The following NSUN7 variants were observed in gnomAD, a reference collection of about 807,000 sequenced individuals.
NSUN7 encodes NOP2/Sun RNA methyltransferase family member 7.
NSUN7 carries 39 observed loss-of-function variants against 58.5 expected under a neutral mutation model. The ratio of observed to expected loss-of-function variants is 0.67; its 90% CI spans 0.52 to 0.87. The LOEUF (loss-of-function observed/expected upper bound fraction) is 0.87. Ranked by LOEUF, NSUN7 falls within the 40% of genes least tolerant of loss-of-function variation. The probability of loss-of-function intolerance (pLI) is 0.00; values close to 1 mark genes in which losing one functional copy is unlikely to be tolerated. For missense variants in NSUN7, 765 were observed against 844.1 expected (o/e 0.91, Z 1.16); for synonymous variants, 278 against 303.7 (o/e 0.92, Z 0.88).
At chr4:40,802,148 T>C (rs1157964194) in intron 10 of NSUN7, among the ~76,000 whole-genome samples, 7 of 152,144 alleles carry the variant, frequency 4.6e-5, no homozygotes, top group African/African-American at 1.7e-4. Context: ...GGTTTATTTT[T>C]TCCCCAAATA....
At chr4:40,769,903 T>C (rs1227802740) in intron 4 of NSUN7, among the ~76,000 whole-genome samples, 1 of 152,210 alleles carries the variant, frequency 6.6e-6, no homozygotes, top group East Asian at 1.9e-4. Flanking sequence ...AAGATTATCT[T>C]TTGGCATTAA....
intron 2 of NSUN7, among the ~76,000 whole-genome samples, chr4:40,751,284 C>G (rs1434841142): frequency 1.3e-5 from 2 of 152,048 alleles, no homozygotes; most frequent in African/African-American, 4.8e-5. Flanking sequence ...TTCCCTCTCC[C>G]TGTATTTTTT....
intron 9 of NSUN7, among the ~76,000 whole-genome samples, chr4:40,796,179 C>T (rs1314698489): frequency 6.6e-6 from 1 of 152,118 alleles, no homozygotes; most frequent in East Asian, 1.9e-4. Context: ...CATGGTGAAA[C>T]CCCATCTCTA....
At chr4:40,781,741 C>T (rs1006327524) in intron 7 of NSUN7, among the ~76,000 whole-genome samples, 15 of 152,120 alleles carry the variant, frequency 9.9e-5, no homozygotes, top group Non-Finnish European at 1.8e-4. Context: ...CCACTGTGCC[C>T]GGTCAGTCTT....
chr4:40,797,367 C>T (rs1743366232), intron 9 of NSUN7, among the ~76,000 whole-genome samples: 1 of 152,078 alleles, frequency 6.6e-6, no homozygotes, highest in Admixed American at 6.5e-5. Context: ...CTTATATTTC[C>T]AGCTGCCTTC....
chr4:40,780,889 G>C (rs530420650), intron 7 of NSUN7, among the ~76,000 whole-genome samples: 1 of 132,434 alleles, frequency 7.6e-6, no homozygotes, highest in Non-Finnish European at 1.5e-5. Context: ...GCATGATCTC[G>C]ACTCACTGCA....
At chr4:40,753,211 A>T (rs900476004) in intron 2 of NSUN7, among the ~76,000 whole-genome samples, 5 of 151,936 alleles carry the variant, frequency 3.3e-5, no homozygotes, top group African/African-American at 4.8e-5. Flanking sequence ...TATGTGTGAT[A>T]GATTATTATT....
rs755531844 is a variant in NSUN7, at chr4:40,808,400, A to G, written c.1618A>G (p.Lys540Glu). The stretch of plus-strand genomic sequence containing the variant: ...TGGGATTGAGTTGGGTAAATCATCA[A>G]AACGGGAGAAGAAGAAGAAAAAATC... ...LDGIELGKSS[K>E]REKKKKKSKT... The change falls in exon 12 of 12, where the codon AAA (lysine) becomes GAA (glutamate). Residue 540 changes from lysine to glutamate, a missense_variant. By Grantham distance (56) the Lys-to-Glu change is moderately conservative (BLOSUM62 1). Transcript: ENST00000381782. 2.5e-6 allele frequency: 4 copies of G among 1,614,166 alleles called. No homozygotes were observed. The South Asian group carries it at 3.3e-5, about 13-fold the overall frequency.
intron 10 of NSUN7, among the ~76,000 whole-genome samples, chr4:40,799,555 G>T (rs1743488236): frequency 6.6e-6 from 1 of 151,492 alleles, no homozygotes; most frequent in South Asian, 2.1e-4. Flanking sequence ...TTTTATTTTA[G>T]GCAAGCCATG....
chr4:40,789,742 A>G (rs968916976), intron 7 of NSUN7, among the ~76,000 whole-genome samples: 6 of 152,202 alleles, frequency 3.9e-5, no homozygotes, highest in Non-Finnish European at 5.9e-5. Context: ...GCAAGAAGAA[A>G]AGGACCACTC....
intron 7 of NSUN7, among the ~76,000 whole-genome samples, chr4:40,787,270 A>G (rs1180983043): frequency 6.6e-6 from 1 of 151,990 alleles, no homozygotes; most frequent in Non-Finnish European, 1.5e-5. Context: ...CTATTATCCT[A>G]TGACCCTGCC....
chr4:40,783,900 C>G (rs1283169804), intron 7 of NSUN7, among the ~76,000 whole-genome samples: 5 of 151,342 alleles, frequency 3.3e-5, no homozygotes, highest in Non-Finnish European at 7.4e-5. Context: ...TTCAAATCAT[C>G]TATCTGAAAA....
rs578099073 is a variant in NSUN7 at position 40,767,061 on chromosome 4, G to C, written c.488+5760G>C. Among the ~76,000 whole-genome samples the C allele has an allele frequency of 3.1e-3, 463 of 150,530 alleles. 3 individuals carry two copies. The highest frequency in any genetic ancestry group is 0.011 in the African/African-American group (442 of 41,034). Reference sequence around the variant, plus strand: ...CCTGGATTCATTAATTTTTTGAAGGGTTTTTTGTGTCTCTATTTCCTTCAG... The same window carrying C: ...CCTGGATTCATTAATTTTTTGAAGGCTTTTTTGTGTCTCTATTTCCTTCAG... On this transcript the variant is annotated intron_variant, in intron 4 of 11. Transcript: ENST00000381782.
intron 7 of NSUN7, 39 bp downstream of exon 7, chr4:40,776,298 T>G (rs1228565159): frequency 7.2e-7 from 1 of 1,391,706 alleles, no homozygotes; most frequent in East Asian, 2.3e-5. Flanking sequence ...ATTATTGTTC[T>G]GCAAGATTTT....
chr4:40,809,207 T>G lies in NSUN7; in HGVS notation c.*268T>G, dbSNP rs972569081. ...TCAGTATCAGCGGTCAGAACTTATC[T>G]CACTCCTGTGAACTTTCAGGCTGGA... On this transcript the variant is annotated 3_prime_UTR_variant, in exon 12 of 12. Transcript: ENST00000381782. 25 of 318,598 alleles carry G rather than the reference T, an allele frequency of 7.8e-5. No homozygotes were observed. Among genetic ancestry groups the G allele is most frequent in the Non-Finnish European group, 6.9e-5 (12 of 174,494 alleles). The allele number at this position is 318,598 out of a possible 1,614,324, so 19.7% of individuals were successfully genotyped here.
chr4:40,790,555 A>AT, intron 7 of NSUN7, 47 bp from the exon 8 acceptor site: 1 of 1,252,162 alleles, frequency 8.0e-7, no homozygotes, highest in Non-Finnish European at 1.1e-6. Flanking sequence ...CTACATTAAG[A>AT]TTTTTCATTA....
intron 4 of NSUN7, among the ~76,000 whole-genome samples, chr4:40,767,213 G>A (rs1741779298): frequency 6.6e-6 from 1 of 151,918 alleles, no homozygotes; most frequent in South Asian, 2.1e-4. Context: ...TTCTCTTGTG[G>A]GCATTTAGTG....
At chr4:40,758,122 G>A (rs1229208810) in intron 2 of NSUN7, among the ~76,000 whole-genome samples, 1 of 152,062 alleles carries the variant, frequency 6.6e-6, no homozygotes, top group Non-Finnish European at 1.5e-5. Flanking sequence ...GTTTCACCAT[G>A]TTAGCCAGGC....
At chr4:40,797,568 C>T (rs1169578689) in intron 9 of NSUN7, among the ~76,000 whole-genome samples, 1 of 152,210 alleles carries the variant, frequency 6.6e-6, no homozygotes, top group African/African-American at 2.4e-5. Flanking sequence ...TACCCACAGC[C>T]AGTCTGTCAG....
Sources: allele counts gnomAD v4.1 joint callset (sites outside exome capture counted in the v4.1 genomes callset), GRCh38; gene constraint gnomAD v4.1.1; transcripts MANE v1.5; gene names NCBI Gene and HGNC (gene_info 2026-07-23, HGNC 2026-07-21).